GDF7: variants seen among roughly 807,000 people sequenced by gnomAD.
GDF7 encodes the protein growth/differentiation factor 7.
In GDF7, 12 loss-of-function variants were observed where a neutral mutation model predicts 13.4. The observed-to-expected ratio is 0.90, with a 90% CI of 0.57 to 1.45. The LOEUF (loss-of-function observed/expected upper bound fraction) is 1.45. GDF7 is among the 40% of genes most tolerant of loss of function. The pLI is 0.00. For synonymous variants in GDF7, 330 were observed against 306.4 expected (o/e 1.08, Z -0.80); for missense variants, 651 against 652.4 (o/e 1.00, Z 0.02).
rs1440139857 is a variant in GDF7, at chr2:20,673,405, T to G, written c.*1980T>G. On this transcript the variant is annotated 3_prime_UTR_variant, in exon 2 of 2. Transcript: ENST00000272224. ...TATTTTAGTGACTGGGCAAAGATGG[T>G]CCCTAAATTTGTGGATTTTGCCAGA... The G allele has an allele frequency of 1.3e-5, 2 of 152,136 alleles. No individual in the cohort carries two copies. Among genetic ancestry groups the G allele is most frequent in the Admixed American group, 1.3e-4 (2 of 15,280 alleles). 9.4% of individuals were successfully genotyped at this position (152,136 alleles called of 1,614,324 possible).
chr2:20,667,599 G>C lies in GDF7; in HGVS notation c.360G>C (p.Thr120=), dbSNP rs1342597344. ...CCTCGGGCCATGGTCGCGCGGACAC[G>C]ATCACCGGCTTCACAGACCAGGCGA... is the stretch of plus-strand genomic sequence containing the variant. ...VSASGHGRAD[T]ITGFTDQATQ... is the part of the protein sequence containing the mutation. The change falls in exon 1 of 2, where the codon ACG becomes ACC. Residue 120 remains threonine (T), a synonymous_variant. Transcript: ENST00000272224. The surrounding 1 kb of genome is among the most constrained non-coding windows in gnomAD (Gnocchi z 6.4). 1.3e-6 allele frequency: 2 copies of C among 1,510,500 alleles called. No homozygotes were observed. The highest frequency in any genetic ancestry group is 1.8e-6 in the Non-Finnish European group (2 of 1,136,042). 93.6% of individuals were successfully genotyped at this position (1,510,500 alleles called of 1,614,324 possible).
chr2:20,671,075 G>A lies in GDF7; in HGVS notation c.1003G>A (p.Gly335Arg). Residue 335 changes from glycine (G) to arginine (R), a missense_variant, in exon 2 of 2, where the codon GGG becomes AGG. Around this residue, in one of 4 missense-constraint regions of GDF7, gnomAD observed 487 missense variants for 445.9 expected, o/e 1.09. Coordinates refer to ENST00000272224, the MANE Select transcript of GDF7 (RefSeq NM_182828.4). ...GACGCGGACAGCGCAGGGCAGCGGC[G>A]GGGGCGCGGGCCGGGGCCACGGGCG... ...AGTRTAQGSG[G>R]GAGRGHGRRG... is the part of the protein sequence containing the mutation. 2 of 1,500,928 alleles carry A rather than the reference G, an allele frequency of 1.3e-6. No individual in the cohort carries two copies. The highest frequency in any genetic ancestry group is 1.4e-5 in the African/African-American group (1 of 70,884). 93.0% of individuals were successfully genotyped at this position (1,500,928 alleles called of 1,614,324 possible). A position where few individuals can be genotyped will look rare whatever the true frequency, so the allele number is the denominator to read the frequency against.
At chr2:20,669,750 C>G (rs1662079578) in intron 1 of GDF7, among the ~76,000 whole-genome samples, 1 of 152,236 alleles carries the variant, frequency 6.6e-6, no homozygotes, top group Non-Finnish European at 1.5e-5. Context: ...GACCTGAGAC[C>G]TTGGGCGAGC....
rs942765673 is a variant in GDF7, at chr2:20,675,055, CTT to C, written c.*3633_*3634del. 2 of 152,244 alleles carry C rather than the reference CTT, an allele frequency of 1.3e-5. No homozygotes were observed. The highest frequency in any genetic ancestry group is 2.4e-5 in the African/African-American group (1 of 41,450). The allele number at this position is 152,244 out of a possible 1,614,324, so 9.4% of individuals were successfully genotyped here. A position where few individuals can be genotyped will look rare whatever the true frequency, so the allele number is the denominator to read the frequency against. ...CAGCTCGTGCACAGATAAGGTCAGA[CTT>C]TTCCTGTGCTTGAATCTGGTCTCCA... is the stretch of plus-strand genomic sequence containing the variant. On this transcript the variant is annotated 3_prime_UTR_variant, in exon 2 of 2. Coordinates refer to ENST00000272224, the MANE Select transcript of GDF7 (RefSeq NM_182828.4).
chr2:20,677,417 TAGTGGGGGCTGG>T lies in GDF7; in HGVS notation c.*5995_*6006del, dbSNP rs1662250398. 1 of 152,206 alleles carries T rather than the reference TAGTGGGGGCTGG, an allele frequency of 6.6e-6. No individual in the cohort carries two copies. 9.4% of individuals were successfully genotyped at this position (152,206 alleles called of 1,614,324 possible). ...GTTGTGGGCCAACAGGAGTGCTACGTAGTGGGGGCTGGAGATTTGTCCAGGCAGGAGGTGGGC... is the reference window on the plus strand; with the variant it reads ...GTTGTGGGCCAACAGGAGTGCTACGTAGATTTGTCCAGGCAGGAGGTGGGC... On this transcript the variant is annotated 3_prime_UTR_variant, in exon 2 of 2. Coordinates refer to ENST00000272224, the MANE Select transcript of GDF7 (RefSeq NM_182828.4).
chr2:20,668,666 C>G (rs560544358), intron 1 of GDF7, among the ~76,000 whole-genome samples: 1 of 152,308 alleles, frequency 6.6e-6, no homozygotes, highest in African/African-American at 2.4e-5. Context: ...TACCTCAGGT[C>G]CTAGCCTGGG....
In GDF7 at chr2:20,667,465, GC is replaced by G; in HGVS notation, c.228del (p.Ala77ArgfsTer16). ...TCCCCGGGCCCGCGCCGCGCGCCGC[GC>G]CGCGGGCTCCGGCTTCAGGAACGGC... ...AVPRARAARR[A>X]AGSGFRNGSV... is the part of the protein sequence containing the mutation. On this transcript the variant is annotated frameshift_variant, in exon 1 of 2. Coordinates refer to ENST00000272224, the MANE Select transcript of GDF7 (RefSeq NM_182828.4). LOFTEE classifies it high-confidence loss of function. The surrounding 1 kb of genome is among the most constrained non-coding windows in gnomAD (Gnocchi z 6.4). The G allele has an allele frequency of 8.2e-7, 1 of 1,220,816 alleles. No homozygotes were observed. Among genetic ancestry groups the G allele is most frequent in the Non-Finnish European group, 1.0e-6 (1 of 979,070 alleles). The allele number at this position is 1,220,816 out of a possible 1,614,324, so 75.6% of individuals were successfully genotyped here.
rs774956016 is a variant in GDF7, at chr2:20,678,842, G to C, written c.*7417G>C. Reference sequence around the variant, plus strand: ...GAGTAAGGAGATTGGAGTGTGGGGGGACATTAGAAACTCATTTAAGGCAAA... The same window carrying C: ...GAGTAAGGAGATTGGAGTGTGGGGGCACATTAGAAACTCATTTAAGGCAAA... On this transcript the variant is annotated 3_prime_UTR_variant, in exon 2 of 2. Coordinates refer to ENST00000272224, the MANE Select transcript of GDF7 (RefSeq NM_182828.4). 10 of 152,172 alleles carry C rather than the reference G, an allele frequency of 6.6e-5. No homozygotes were observed. Among genetic ancestry groups the C allele is most frequent in the Non-Finnish European group, 1.2e-4 (8 of 68,020 alleles). The allele number at this position is 152,172 out of a possible 1,614,324, so 9.4% of individuals were successfully genotyped here. A position where few individuals can be genotyped will look rare whatever the true frequency, so the allele number is the denominator to read the frequency against.
rs996740608 is a variant in GDF7, at chr2:20,670,800, G to T, written c.728G>T (p.Ser243Ile). The T allele has an allele frequency of 2.0e-6, 3 of 1,486,442 alleles. No homozygotes were observed. The highest frequency in any genetic ancestry group is 2.2e-5 in the Admixed American group (1 of 46,308). The allele number at this position is 1,486,442 out of a possible 1,614,324, so 92.1% of individuals were successfully genotyped here. A position where few individuals can be genotyped will look rare whatever the true frequency, so the allele number is the denominator to read the frequency against. Residue 243 changes from serine to isoleucine, a missense_variant, in exon 2 of 2, where the codon AGC becomes ATC. Ser to Ile is a moderately radical substitution (Grantham distance 142, BLOSUM62 -2). Transcript: ENST00000272224. ...LLRAVAGPVP[S>I]PLALRRLGFG... is the part of the protein sequence containing the mutation. ...CGCGCAGTGGCAGGCCCGGTGCCGA[G>T]CCCGTTGGCACTGCGGCGGCTGGGC...
chr2:20,671,626 G>T lies in GDF7; in HGVS notation c.*201G>T. The T allele has an allele frequency of 1.6e-6, 1 of 611,836 alleles. No homozygotes were observed. Among genetic ancestry groups the T allele is most frequent in the Non-Finnish European group, 2.8e-6 (1 of 352,336 alleles). 37.9% of individuals were successfully genotyped at this position (611,836 alleles called of 1,614,324 possible). ...CGGGGACAGCATGTGAAAGCCTTGG[G>T]AAGAGATGACCTGCCGGTACCGAAT... On this transcript the variant is annotated 3_prime_UTR_variant, in exon 2 of 2. Transcript: ENST00000272224.
At position 20,670,974 on chromosome 2, in the gene GDF7, C is replaced by T; in HGVS notation, c.902C>T (p.Pro301Leu). The T allele has an allele frequency of 6.4e-7, 1 of 1,558,042 alleles. No homozygotes were observed. The highest frequency in any genetic ancestry group is 8.6e-7 in the Non-Finnish European group (1 of 1,158,674). Residue 301 changes from proline to leucine, a missense_variant, in exon 2 of 2, where the codon CCC becomes CTC. By Grantham distance (98) the Pro-to-Leu change is moderately conservative. Transcript: ENST00000272224. ...GCCGCTCTGGCCTCAGAGCCGCTGCCCGACCCAGGAACCGGCACCGCGTCG... is the reference window on the plus strand; with the variant it reads ...GCCGCTCTGGCCTCAGAGCCGCTGCTCGACCCAGGAACCGGCACCGCGTCG... ...LGAALASEPL[P>L]DPGTGTASPR...
chr2:20,667,588 C>A lies in GDF7; in HGVS notation c.349C>A (p.Arg117Ser). Residue 117 changes from arginine to serine, a missense_variant, in exon 1 of 2, where the codon CGC becomes AGC. Physicochemically the swap from Arg to Ser is moderately radical, Grantham distance 110 (BLOSUM62 -1). Transcript: ENST00000272224. The surrounding 1 kb of genome is among the most constrained non-coding windows in gnomAD (Gnocchi z 6.4). Reference sequence around the variant, plus strand: ...CGCTGTCTCCGCCTCGGGCCATGGTCGCGCGGACACGATCACCGGCTTCAC... The same window carrying A: ...CGCTGTCTCCGCCTCGGGCCATGGTAGCGCGGACACGATCACCGGCTTCAC... Reference protein sequence around the residue: ...AAAVSASGHGRADTITGFTDQ... With the variant: ...AAAVSASGHGSADTITGFTDQ... 6.6e-7 allele frequency: 1 copy of A among 1,513,092 alleles called. No homozygotes were observed. Among genetic ancestry groups the A allele is most frequent in the Non-Finnish European group, 8.8e-7 (1 of 1,137,566 alleles). The allele number at this position is 1,513,092 out of a possible 1,614,324, so 93.7% of individuals were successfully genotyped here.
At position 20,678,083 on chromosome 2, in the gene GDF7, C is replaced by T. The variant is rs1040991877; in HGVS notation, c.*6658C>T. ...CCTGTCAGACTCAAAGTCAGCTCTT[C>T]AGCATTCTGTTTAGAAAATGATGAT... On this transcript the variant is annotated 3_prime_UTR_variant, in exon 2 of 2. Transcript: ENST00000272224. 1.3e-5 allele frequency: 2 copies of T among 152,222 alleles called. No homozygotes were observed. Among genetic ancestry groups the T allele is most frequent in the African/African-American group, 4.8e-5 (2 of 41,450 alleles). 9.4% of individuals were successfully genotyped at this position (152,222 alleles called of 1,614,324 possible). A position where few individuals can be genotyped will look rare whatever the true frequency, so the allele number is the denominator to read the frequency against.
rs1302233451 is a variant in GDF7 at position 20,672,269 on chromosome 2, G to C, written c.*844G>C. The C allele has an allele frequency of 2.0e-5, 3 of 152,294 alleles. No homozygotes were observed. The highest frequency in any genetic ancestry group is 3.9e-4 in the East Asian group (2 of 5,184). The allele number at this position is 152,294 out of a possible 1,614,324, so 9.4% of individuals were successfully genotyped here. ...TGCCAGGTTCGGAAGCTCCCCAGTT[G>C]GTCAGGGGGAGGTGGGAGCCATGCC... On this transcript the variant is annotated 3_prime_UTR_variant, in exon 2 of 2. Coordinates refer to ENST00000272224, the MANE Select transcript of GDF7 (RefSeq NM_182828.4).
intron 1 of GDF7, among the ~76,000 whole-genome samples, chr2:20,668,681 C>G (rs1662026978): frequency 1.3e-5 from 2 of 152,172 alleles, no homozygotes; most frequent in African/African-American, 4.8e-5. Flanking sequence ...CCTGGGAAGG[C>G]AGGCAGAGGC....
In GDF7 at chr2:20,667,334, C is replaced by T; in HGVS notation, c.95C>T (p.Ala32Val). 1.9e-6 allele frequency: 2 copies of T among 1,044,678 alleles called. No homozygotes were observed. The highest frequency in any genetic ancestry group is 1.1e-6 in the Non-Finnish European group (1 of 872,416). 64.7% of individuals were successfully genotyped at this position (1,044,678 alleles called of 1,614,324 possible). Residue 32 changes from alanine to valine, a missense_variant, in exon 1 of 2, where the codon GCG (alanine) becomes GTG (valine). Ala to Val is a moderately conservative substitution (Grantham distance 64, BLOSUM62 0). Around this residue, in one of 4 missense-constraint regions of GDF7, gnomAD observed 61 missense variants for 50.5 expected, o/e 1.21. Coordinates refer to ENST00000272224, the MANE Select transcript of GDF7 (RefSeq NM_182828.4). The surrounding 1 kb of genome is among the most constrained non-coding windows in gnomAD (Gnocchi z 6.4). ...GAAGCGGCCGCCGTGCTGCGAGCGG[C>T]GGGGGCTGGGCCGGTCCGGAGCCCA... ...GLEAAAVLRA[A>V]GAGPVRSPGG...
rs3072 is a variant in GDF7, at chr2:20,678,646, T to C, written c.*7221T>C. 0.3 allele frequency: 46,302 copies of C among 152,248 alleles called. 8,294 individuals carry two copies. The highest frequency in any genetic ancestry group is 0.57 in the Middle Eastern group (169 of 294). The allele number at this position is 152,248 out of a possible 1,614,324, so 9.4% of individuals were successfully genotyped here. On this transcript the variant is annotated 3_prime_UTR_variant, in exon 2 of 2. Transcript: ENST00000272224. ...GCTTAGAAAGCAAATTTCATCTGAT[T>C]CCAGTACTGTGATTTTAAGGAAACG...
Position 20,671,104 on chromosome 2 carries a change from G to A in GDF7, c.1032G>A (p.Arg344=). The change falls in exon 2 of 2, where the codon AGG becomes AGA. Residue 344 remains arginine, a synonymous_variant. Transcript: ENST00000272224. ...GGGAGRGHGR[R]GRSRCSRKPL... is the part of the protein sequence containing the mutation. The stretch of plus-strand genomic sequence containing the variant: ...GCGCGGGCCGGGGCCACGGGCGCAG[G>A]GGCCGGAGCCGCTGCAGCCGCAAGC... 1 of 1,581,876 alleles carries A rather than the reference G, an allele frequency of 6.3e-7. No homozygotes were observed. Among genetic ancestry groups the A allele is most frequent in the Non-Finnish European group, 8.6e-7 (1 of 1,165,828 alleles).
chr2:20,670,883 T>G lies in GDF7; in HGVS notation c.811T>G (p.Ser271Ala), dbSNP rs1310969454. 1.3e-6 allele frequency: 2 copies of G among 1,540,028 alleles called. No individual in the cohort carries two copies. The change falls in exon 2 of 2, where the codon TCC becomes GCC. Residue 271 changes from serine (S) to alanine (A), a missense_variant. Around this residue, in one of 4 missense-constraint regions of GDF7, gnomAD observed 487 missense variants for 445.9 expected, o/e 1.09. Transcript: ENST00000272224. ...AAEERAVLVV[S>A]SRTQRKESLF... ...AGAGGAGCGCGCGGTGCTAGTCGTC[T>G]CCTCCCGCACGCAGAGGAAAGAGAG...
Sources: gnomAD v4.1 joint callset for allele counts (sites outside exome capture counted in the v4.1 genomes callset) on GRCh38, gnomAD v4.1.1 for gene constraint, gnomAD v4.1.1 regional missense constraint, Gnocchi (gnomAD v3.1) non-coding constraint, MANE v1.5 for transcripts, NCBI Gene and HGNC (gene_info 2026-07-23, HGNC 2026-07-21) for gene names.